TUBGCP3: variants seen among roughly 807,000 people sequenced by gnomAD.
TUBGCP3 encodes gamma-tubulin complex component 3.
In TUBGCP3, 50 loss-of-function variants were observed where a neutral mutation model predicts 123.1. The ratio of observed to expected loss-of-function variants is 0.41; its 90% CI spans 0.32 to 0.51. The LOEUF is 0.51. Among genes scored for constraint, TUBGCP3 ranks in the 20% least tolerant of loss-of-function variants. The pLI is 0.36. For synonymous variants in TUBGCP3, 405 were observed against 413.9 expected, an observed-to-expected ratio of 0.98 and a Z score of 0.26; for missense variants, 882 against 1,127.0, an observed-to-expected ratio of 0.78 and a Z score of 3.11.
In TUBGCP3 at chr13:112,545,312, T is replaced by TTG. The variant is rs1878897038; in HGVS notation, c.1335+385_1335+386dup. ...TTCAATAGCTACATACACAACTAACTTGTTTCATTAAGCTGTTAGCACCAA... is the reference window on the plus strand; with the variant it reads ...TTCAATAGCTACATACACAACTAACTTGTGTTTCATTAAGCTGTTAGCACCAA... On this transcript the variant is annotated intron_variant, in intron 11 of 21. Transcript: ENST00000261965. This position sits in a 1 kb window ranked among gnomAD's most constrained non-coding sequence, Gnocchi z 4.1. 9.6e-6 allele frequency: 2 copies of TTG among 207,480 alleles called. No individual in the cohort carries two copies. Among genetic ancestry groups the TTG allele is most frequent in the Admixed American group, 1.0e-4 (2 of 19,930 alleles). The allele number at this position is 207,480 out of a possible 1,614,324, so 12.9% of individuals were successfully genotyped here. A position where few individuals can be genotyped will look rare whatever the true frequency, so the allele number is the denominator to read the frequency against.
intron 2 of TUBGCP3, among the ~76,000 whole-genome samples, chr13:112,567,363 T>C (rs1227551288): frequency 1.3e-5 from 2 of 152,220 alleles, no homozygotes; most frequent in South Asian, 2.1e-4. Context: ...CTTATAGTAG[T>C]ATGTTTAAAT....
At chr13:112,595,698 C>A in the TUBGCP3 span, among the ~76,000 whole-genome samples, 1 of 151,138 alleles carries the variant, frequency 6.6e-6, no homozygotes, top group African/African-American at 2.4e-5. Flanking sequence ...TTCTACTATG[C>A]GATTGTGATT....
chr13:112,512,316 T>C (rs1011409678), intron 17 of TUBGCP3, among the ~76,000 whole-genome samples: 1 of 150,708 alleles, frequency 6.6e-6, no homozygotes, highest in Non-Finnish European at 1.5e-5. Flanking sequence ...TAATCCCAGC[T>C]ACTCAGGAGG....
chr13:112,488,735 A>G (rs1879857097), intron 21 of TUBGCP3, among the ~76,000 whole-genome samples: 1 of 136,518 alleles, frequency 7.3e-6, no homozygotes, highest in African/African-American at 2.8e-5. Context: ...AGCCACCCCC[A>G]GGTCTCCACA....
In TUBGCP3 at chr13:112,545,844, G is replaced by A; in HGVS notation, c.1190C>T (p.Ala397Val). Residue 397 changes from alanine to valine, a missense_variant, in exon 11 of 22, where the codon GCC (alanine) becomes GTC (valine). Physicochemically the swap from Ala to Val is moderately conservative, Grantham distance 64 (BLOSUM62 0). Around this residue, in one of 3 missense-constraint regions of TUBGCP3, gnomAD observed 713 missense variants for 874.0 expected, o/e 0.82. Transcript: ENST00000261965. This position sits in a 1 kb window ranked among gnomAD's most constrained non-coding sequence, Gnocchi z 4.1. ...HCQGRKGGEL[A>V]SAVHAYTKTG... Reference sequence around the variant, plus strand: ...TTTTGTGTAGGCGTGGACAGCTGAGGCCAGCTCACCTCCTTTCCTTCCTGG... The same window carrying A: ...TTTTGTGTAGGCGTGGACAGCTGAGACCAGCTCACCTCCTTTCCTTCCTGG... 6.2e-7 allele frequency: 1 copy of A among 1,612,686 alleles called. No individual in the cohort carries two copies. Among genetic ancestry groups the A allele is most frequent in the South Asian group, 1.1e-5 (1 of 91,044 alleles).
chr13:112,567,257 A>G (rs766476093), intron 2 of TUBGCP3, among the ~76,000 whole-genome samples: 2 of 152,258 alleles, frequency 1.3e-5, no homozygotes, highest in Non-Finnish European at 2.9e-5. Flanking sequence ...TCTTCTTTAA[A>G]AGGAAAATCC....
intron 14 of TUBGCP3, among the ~76,000 whole-genome samples, chr13:112,520,508 A>G (rs1876528186): frequency 6.6e-6 from 1 of 152,152 alleles, no homozygotes; most frequent in African/African-American, 2.4e-5. Context: ...CCTGGGTGAC[A>G]GACAGAGCGA....
chr13:112,541,268 G>C (rs1007902261), intron 11 of TUBGCP3, among the ~76,000 whole-genome samples: 1 of 152,176 alleles, frequency 6.6e-6, no homozygotes, highest in Non-Finnish European at 1.5e-5. Context: ...ATGGCCAGGC[G>C]TGGTGGCTCT....
intron 8 of TUBGCP3, among the ~76,000 whole-genome samples, chr13:112,552,409 A>C (rs1879660306): frequency 6.6e-6 from 1 of 152,226 alleles, no homozygotes; most frequent in South Asian, 2.1e-4. Flanking sequence ...ACGGCCCACC[A>C]GTCCTACCTG....
intron 11 of TUBGCP3, among the ~76,000 whole-genome samples, chr13:112,539,224 C>T (rs925129679): frequency 6.6e-6 from 1 of 152,170 alleles, no homozygotes; most frequent in African/African-American, 2.4e-5. Flanking sequence ...ATACACACAT[C>T]TGGAAGATGG....
intron 20 of TUBGCP3, among the ~76,000 whole-genome samples, chr13:112,490,219 T>C (rs1302045853): frequency 1.3e-5 from 2 of 152,248 alleles, no homozygotes; most frequent in Non-Finnish European, 2.9e-5. Flanking sequence ...ATGAATTTGA[T>C]TAAATGTCTT....
the TUBGCP3 span, among the ~76,000 whole-genome samples, chr13:112,598,781 A>G: frequency 1.3e-5 from 2 of 151,982 alleles, no homozygotes; most frequent in East Asian, 3.9e-4. Flanking sequence ...TGTCTCTACT[A>G]AAAATACAAA....
intron 3 of TUBGCP3, among the ~76,000 whole-genome samples, chr13:112,562,913 C>CT (rs1880633231): frequency 6.6e-6 from 1 of 152,230 alleles, no homozygotes; most frequent in African/African-American, 2.4e-5. Context: ...TTTCCCGGCA[C>CT]TGCCACACCA....
chr13:112,490,475 G>A (rs1339790157), intron 20 of TUBGCP3, among the ~76,000 whole-genome samples: 2 of 152,224 alleles, frequency 1.3e-5, no homozygotes, highest in East Asian at 1.9e-4. Flanking sequence ...GGCTTGTCTC[G>A]AACTCCTGAT....
chr13:112,489,626 T>C lies in TUBGCP3; in HGVS notation c.2520A>G (p.Ile840Met), dbSNP rs1879937071. 6.2e-7 allele frequency: 1 copy of C among 1,614,240 alleles called. No individual in the cohort carries two copies. Among genetic ancestry groups the C allele is most frequent in the Non-Finnish European group, 8.5e-7 (1 of 1,180,036 alleles). ...NKRIGEFKES[I>M]PKMCSQLRIL... ...TTCGCAACTGTGAGCACATTTTTGGTATAGATTCTTTAAATTCTCCAATCC... is the reference window on the plus strand; with the variant it reads ...TTCGCAACTGTGAGCACATTTTTGGCATAGATTCTTTAAATTCTCCAATCC... The change falls in exon 21 of 22, where the codon ATA becomes ATG. Residue 840 changes from isoleucine to methionine, a missense_variant. By Grantham distance (10) the Ile-to-Met change is conservative. Transcript: ENST00000261965.
chr13:112,604,180 C>T, the TUBGCP3 span: 40 of 151,574 alleles, frequency 2.6e-4, no homozygotes, highest in East Asian at 7.5e-3. Context: ...CATTCCAGAT[C>T]TTTAGAGTCT....
intron 3 of TUBGCP3, among the ~76,000 whole-genome samples, chr13:112,561,274 G>C (rs547714728): frequency 6.6e-6 from 1 of 152,168 alleles, no homozygotes; most frequent in Non-Finnish European, 1.5e-5. Context: ...CCAGCAACAG[G>C]GGCCCGTGAG....
At chr13:112,494,006 C>G (rs893040395) in intron 20 of TUBGCP3, among the ~76,000 whole-genome samples, 1 of 151,166 alleles carries the variant, frequency 6.6e-6, no homozygotes, top group Non-Finnish European at 1.5e-5. Flanking sequence ...GCTTTGGGAA[C>G]AGGGCCTGGT....
intron 6 of TUBGCP3, among the ~76,000 whole-genome samples, chr13:112,555,585 A>G (rs1879953692): frequency 6.6e-6 from 1 of 152,230 alleles, no homozygotes; most frequent in African/African-American, 2.4e-5. Context: ...ACCATTCAGT[A>G]ATTCCTCAAT....
Sources: allele counts gnomAD v4.1 joint callset (sites outside exome capture counted in the v4.1 genomes callset), GRCh38; gene constraint gnomAD v4.1.1; regional missense constraint gnomAD v4.1.1; non-coding constraint Gnocchi (gnomAD v3.1); transcripts MANE v1.5; gene names NCBI Gene and HGNC (gene_info 2026-07-23, HGNC 2026-07-21).